MEP1B: variants seen among roughly 807,000 people sequenced by gnomAD.
MEP1B encodes the protein meprin A subunit beta.
A neutral mutation model predicts 84.6 loss-of-function variants in MEP1B; 80 were observed. That is an observed-to-expected ratio of 0.95 (90% CI 0.79 to 1.14). The LOEUF (loss-of-function observed/expected upper bound fraction) is 1.14, where lower values mean the gene tolerates loss of function less well. Among genes scored for constraint, MEP1B ranks in the 50% most tolerant of loss-of-function variants. The probability of loss-of-function intolerance (pLI) is 0.00; values close to 1 mark genes in which losing one functional copy is unlikely to be tolerated. For synonymous variants in MEP1B, 273 were observed against 288.1 expected (o/e 0.95, Z 0.53); for missense variants, 766 against 855.1 (o/e 0.90, Z 1.30).
chr18:32,201,095 T>C (rs181147758), intron 5 of MEP1B, among the ~76,000 whole-genome samples: 1 of 152,296 alleles, frequency 6.6e-6, no homozygotes, highest in African/African-American at 2.4e-5. Flanking sequence ...CACGTGTTAC[T>C]TTATTTATTA....
chr18:32,210,251 C>T (rs2041010770), intron 9 of MEP1B, among the ~76,000 whole-genome samples: 1 of 152,136 alleles, frequency 6.6e-6, no homozygotes, highest in Admixed American at 6.6e-5. Context: ...AGGATTAGTG[C>T]CCACGGAAAA....
At chr18:32,193,121 T>C (rs1398544485) in intron 4 of MEP1B, among the ~76,000 whole-genome samples, 2 of 152,202 alleles carry the variant, frequency 1.3e-5, no homozygotes, top group Admixed American at 1.3e-4. Context: ...GATTTTAAAA[T>C]AGGACCTCAC....
chr18:32,191,988 C>T (rs2040806277), intron 2 of MEP1B, 148 bp downstream of exon 2: 4 of 578,764 alleles, frequency 6.9e-6, no homozygotes, highest in Admixed American at 6.8e-5. Flanking sequence ...TATGGAGGGA[C>T]ATTTTATTGT....
rs186244029 is a variant in MEP1B at position 32,196,063 on chromosome 18, C to T, written c.250+578C>T. On this transcript the variant is annotated intron_variant, in intron 5 of 14. Coordinates refer to ENST00000269202, the MANE Select transcript of MEP1B (RefSeq NM_005925.3). This position sits in a 1 kb window ranked among gnomAD's most constrained non-coding sequence, Gnocchi z 4.4. ...CGGGGAAGAAGGGTCATTGGCAGCCCGGGGCTGGGAACCCAGGTCCTCTGG... is the reference window on the plus strand; with the variant it reads ...CGGGGAAGAAGGGTCATTGGCAGCCTGGGGCTGGGAACCCAGGTCCTCTGG... 1.8e-5 allele frequency: 8 copies of T among 436,942 alleles called. No individual in the cohort carries two copies. In the East Asian group the frequency reaches 2.6e-4, roughly 14 times the overall value. The allele number at this position is 436,942 out of a possible 1,614,324, so 27.1% of individuals were successfully genotyped here. A position where few individuals can be genotyped will look rare whatever the true frequency, so the allele number is the denominator to read the frequency against.
Position 32,203,020 on chromosome 18 carries a change from A to T in MEP1B, c.368+10A>T, listed in dbSNP as rs1568267417. 1.3e-6 allele frequency: 2 copies of T among 1,511,274 alleles called. No individual in the cohort carries two copies. The highest frequency in any genetic ancestry group is 1.8e-6 in the Non-Finnish European group (2 of 1,091,548). 93.6% of individuals were successfully genotyped at this position (1,511,274 alleles called of 1,614,324 possible). On this transcript the variant is annotated intron_variant, in intron 6 of 14. Transcript: ENST00000269202. ...TGTTCAAGGGCAGTGGGTAAGTTGC[A>T]GACTTAGTCTTCTAAGGCATCTAAG...
At chr18:32,202,863 A>G (rs1486291651) in intron 5 of MEP1B, 30 bp from the exon 6 acceptor site, 2 of 1,416,762 alleles carry the variant, frequency 1.4e-6, no homozygotes, top group Non-Finnish European at 2.0e-6. Context: ...TGTTTTAATA[A>G]GCTTATTTTT....
At chr18:32,220,089 G>A (rs1056360652) in intron 14 of MEP1B, 142 bp from the exon 15 acceptor site, 2 of 696,336 alleles carry the variant, frequency 2.9e-6, no homozygotes, top group African/African-American at 1.8e-5. Context: ...ACCAGGAGCA[G>A]GAGCCATTGC....
In MEP1B at chr18:32,220,386, T is replaced by G. The variant is rs992593551; in HGVS notation, c.*141T>G. The G allele has an allele frequency of 6.1e-6, 5 of 816,672 alleles. No individual in the cohort carries two copies. Among genetic ancestry groups the G allele is most frequent in the Non-Finnish European group, 9.6e-6 (5 of 521,326 alleles). 50.6% of individuals were successfully genotyped at this position (816,672 alleles called of 1,614,324 possible). A position where few individuals can be genotyped will look rare whatever the true frequency, so the allele number is the denominator to read the frequency against. ...AATAGCTGGAAATATTATAAATCAC[T>G]ATTTTGGTCAAAGTCAAATTGGTGA... On this transcript the variant is annotated 3_prime_UTR_variant, in exon 15 of 15. Transcript: ENST00000269202.
intron 4 of MEP1B, among the ~76,000 whole-genome samples, chr18:32,193,106 C>T (rs1383641493): frequency 6.6e-6 from 1 of 152,084 alleles, no homozygotes; most frequent in African/African-American, 2.4e-5. Context: ...AGCAATATGA[C>T]ATTTGATTTT....
chr18:32,207,322 T>C lies in MEP1B; in HGVS notation c.618T>C (p.Thr206=). The C allele has an allele frequency of 6.2e-7, 1 of 1,612,992 alleles. No individual in the cohort carries two copies. Among genetic ancestry groups the C allele is most frequent in the Non-Finnish European group, 8.5e-7 (1 of 1,179,174 alleles). ...CCCTGAATGTTCCCTATGATTACAC[T>C]TCAGTAATGCACTACAGTAAAACTG... ...SDSLNVPYDY[T]SVMHYSKTAF... is the part of the protein sequence containing the mutation. Residue 206 remains threonine, a synonymous_variant, in exon 8 of 15, where the codon ACT becomes ACC. Coordinates refer to ENST00000269202, the MANE Select transcript of MEP1B (RefSeq NM_005925.3).
At chr18:32,216,966 T>A in intron 12 of MEP1B, 25 bp from the exon 13 acceptor site, 1 of 1,609,430 alleles carries the variant, frequency 6.2e-7, no homozygotes, top group Admixed American at 1.7e-5. Flanking sequence ...CTGATTTCCA[T>A]CCACACTCTT....
At position 32,210,589 on chromosome 18, in the gene MEP1B, A is replaced by G; in HGVS notation, c.1008A>G (p.Arg336=). 1 of 1,614,042 alleles carries G rather than the reference A, an allele frequency of 6.2e-7. No homozygotes were observed. Among genetic ancestry groups the G allele is most frequent in the Non-Finnish European group, 8.5e-7 (1 of 1,179,888 alleles). ...AAAGTAGAACGCTGTACCCTAAAAG[A>G]GGATTTCAGTGCCTGCAATTTTACT... The part of the protein sequence containing the change: ...VLESRTLYPK[R]GFQCLQFYLY... Residue 336 remains arginine (R), a synonymous_variant, in exon 10 of 15, where the codon AGA becomes AGG. Coordinates refer to ENST00000269202, the MANE Select transcript of MEP1B (RefSeq NM_005925.3).
intron 5 of MEP1B, among the ~76,000 whole-genome samples, chr18:32,197,560 T>C (rs999884674): frequency 7.2e-5 from 11 of 151,952 alleles, no homozygotes; most frequent in Non-Finnish European, 1.3e-4. Flanking sequence ...GCTGAGATTA[T>C]AGGCATGTGC....
At chr18:32,209,034 G>C (rs1396340572) in intron 9 of MEP1B, among the ~76,000 whole-genome samples, 2 of 152,188 alleles carry the variant, frequency 1.3e-5, no homozygotes, top group Admixed American at 6.5e-5. Flanking sequence ...AGACCAGGTA[G>C]CTCTCACTTT....
At chr18:32,199,676 C>CTTCG (rs1391370506) in intron 5 of MEP1B, among the ~76,000 whole-genome samples, 1 of 146,836 alleles carries the variant, frequency 6.8e-6, no homozygotes, top group Non-Finnish European at 1.5e-5. Flanking sequence ...TCGTTCCTTC[C>CTTCG]TTCCTTCCTT....
At chr18:32,212,743 A>G (rs989049361) in intron 10 of MEP1B, among the ~76,000 whole-genome samples, 2 of 152,250 alleles carry the variant, frequency 1.3e-5, no homozygotes, top group African/African-American at 4.8e-5. Flanking sequence ...TGAGTATCAC[A>G]GGAATCTTGA....
intron 5 of MEP1B, among the ~76,000 whole-genome samples, chr18:32,198,767 T>A (rs2040880682): frequency 6.6e-6 from 1 of 152,162 alleles, no homozygotes; most frequent in South Asian, 2.1e-4. Context: ...GAAGTGAGAT[T>A]GTTAAAATTG....
At chr18:32,210,758 C>A (rs2041018135) in intron 10 of MEP1B, 42 bp downstream of exon 10, 2 of 1,532,550 alleles carry the variant, frequency 1.3e-6, no homozygotes, top group Non-Finnish European at 1.8e-6. Context: ...TAAAATGAGG[C>A]AATCTTAGGT....
In MEP1B at chr18:32,215,115, AAGTGGGAAC is replaced by A; in HGVS notation, c.1619_1627del (p.Gly540_Val542del). ...AACTATTTCTGGGACAGGCCTTCTA[AAGTGGGAAC>A]AGTGGCTTTGTTCTCTAATGGAACT... On this transcript the variant is annotated inframe_deletion, in exon 12 of 15. Coordinates refer to ENST00000269202, the MANE Select transcript of MEP1B (RefSeq NM_005925.3). The A allele has an allele frequency of 6.2e-7, 1 of 1,602,172 alleles. No individual in the cohort carries two copies. The highest frequency in any genetic ancestry group is 8.5e-7 in the Non-Finnish European group (1 of 1,174,660).
Sources: gnomAD v4.1 joint callset for allele counts (sites outside exome capture counted in the v4.1 genomes callset) on GRCh38, gnomAD v4.1.1 for gene constraint, Gnocchi (gnomAD v3.1) non-coding constraint, MANE v1.5 for transcripts, NCBI Gene and HGNC (gene_info 2026-07-23, HGNC 2026-07-21) for gene names.